The following DCAF8L2 variants were observed in gnomAD, a reference collection of about 807,000 sequenced individuals.
DCAF8L2 encodes DDB1 and CUL4 associated factor 8 like 2, also known as DDB1- and CUL4-associated factor 8-like protein 2.
For missense variants in DCAF8L2, 430 were observed against 490.7 expected, an observed-to-expected ratio of 0.88 and a Z score of 1.17; for synonymous variants, 200 against 190.9, an observed-to-expected ratio of 1.05 and a Z score of -0.39.
At chrX:27,499,519 A>T in the DCAF8L2 span, among the ~76,000 whole-genome samples, 8 of 111,764 alleles carry the variant, frequency 7.2e-5, no homozygotes, top group Non-Finnish European at 1.3e-4. Context: ...ACTACTTGAG[A>T]CTGGGTAATT....
chrX:27,632,963 A>G (rs1316783785), intron 2 of DCAF8L2: 1 of 112,075 alleles, frequency 8.9e-6, no homozygotes, highest in Non-Finnish European at 1.9e-5. Context: ...GTGTCCTAAC[A>G]TACAATAAAC....
the DCAF8L2 span, among the ~76,000 whole-genome samples, chrX:27,482,355 T>G: frequency 3.6e-5 from 4 of 111,616 alleles, no homozygotes; most frequent in Non-Finnish European, 5.7e-5. Context: ...AATTCCAAAC[T>G]TAAGTGCTCA....
chrX:27,747,404 C>A lies in DCAF8L2; in HGVS notation c.509C>A (p.Ala170Glu). 1.7e-6 allele frequency: 2 copies of A among 1,169,395 alleles called. No homozygotes were observed. Among genetic ancestry groups the A allele is most frequent in the Non-Finnish European group, 1.1e-6 (1 of 874,251 alleles). ...HEQYSLEEDQALEEWVSSETS... is the reference protein window; with the variant it reads ...HEQYSLEEDQELEEWVSSETS... ...CAGTATTCGTTAGAGGAGGATCAGG[C>A]GCTGGAGGAGTGGGTTTCCTCAGAG... The change falls in exon 5 of 5, where the codon GCG becomes GAG. Residue 170 changes from alanine to glutamate, a missense_variant. Physicochemically the swap from Ala to Glu is moderately radical, Grantham distance 107. Transcript: ENST00000451261.
chrX:27,497,504 CTTT>C, the DCAF8L2 span, among the ~76,000 whole-genome samples: 2 of 31,261 alleles, frequency 6.4e-5, no homozygotes, highest in African/African-American at 2.2e-4. Flanking sequence ...ATTATTCTTT[CTTT>C]CTTTCCTTCC....
chrX:27,513,068 A>C, the DCAF8L2 span, among the ~76,000 whole-genome samples: 1 of 111,526 alleles, frequency 9.0e-6, no homozygotes, highest in East Asian at 2.8e-4. Flanking sequence ...CTAGACCCCT[A>C]TCTCTCACCA....
At chrX:27,729,145 A>G (rs759608002) in intron 4 of DCAF8L2, among the ~76,000 whole-genome samples, 1 of 111,940 alleles carries the variant, frequency 8.9e-6, no homozygotes, top group South Asian at 3.7e-4. Context: ...AGAGAGAGAG[A>G]GGGAGTACTA....
At position 27,701,785 on chromosome X, in the gene DCAF8L2, T is replaced by A. The variant is rs3905591; in HGVS notation, c.-142-14303T>A. ...AAACTCTCAAATCGGTAACATAAAC[T>A]TCCACATTGAGAAACTAGAAAAATA... On this transcript the variant is annotated intron_variant, in intron 3 of 4. Transcript: ENST00000451261. Among the ~76,000 whole-genome samples, 837 of 108,973 alleles carry A rather than the reference T, an allele frequency of 7.7e-3. 11 individuals are homozygous for A. Among genetic ancestry groups the A allele is most frequent in the African/African-American group, 0.027 (800 of 30,074 alleles). 94.6% of individuals were successfully genotyped at this position (108,973 alleles called of 115,157 possible).
chrX:27,738,420 T>C (rs1035737383), intron 4 of DCAF8L2, among the ~76,000 whole-genome samples: 1 of 111,390 alleles, frequency 9.0e-6, no homozygotes, highest in African/African-American at 3.3e-5. Context: ...GCTGACCCTA[T>C]TATATTTGCC....
At chrX:27,607,430 T>C (rs749812932) in intron 1 of DCAF8L2, among the ~76,000 whole-genome samples, 7 of 111,659 alleles carry the variant, frequency 6.3e-5, no homozygotes, top group African/African-American at 2.3e-4. Context: ...CTCTGAGATT[T>C]GCTCTTACAT....
chrX:27,733,704 T>A (rs780642448), intron 4 of DCAF8L2, among the ~76,000 whole-genome samples: 7 of 111,611 alleles, frequency 6.3e-5, no homozygotes, highest in Non-Finnish European at 9.4e-5. Context: ...TTGATTTTTG[T>A]GTATAGTATA....
chrX:27,539,182 T>C, the DCAF8L2 span, among the ~76,000 whole-genome samples: 3 of 112,076 alleles, frequency 2.7e-5, no homozygotes, highest in South Asian at 1.1e-3. Flanking sequence ...TACCTGTTAT[T>C]TATAGTGATG....
rs1016293342 is a variant in DCAF8L2 at position 27,649,936 on chromosome X, T to C, written c.-220+17936T>C. ...CTTCCAGGATTCTTATAGTTTGAGG[T>C]CTTATATTTAAATCTTTAATCCATC... On this transcript the variant is annotated intron_variant, in intron 2 of 4. Transcript: ENST00000451261. Among the ~76,000 whole-genome samples, 4 of 111,734 alleles carry C rather than the reference T, an allele frequency of 3.6e-5. 1 individual carries two copies. Among genetic ancestry groups the C allele is most frequent in the African/African-American group, 1.3e-4 (4 of 30,730 alleles).
intron 3 of DCAF8L2, among the ~76,000 whole-genome samples, chrX:27,683,852 T>C (rs948946452): frequency 8.9e-6 from 1 of 111,867 alleles, no homozygotes; most frequent in East Asian, 2.8e-4. Flanking sequence ...CTGAGGGGTG[T>C]TCACCTGAGA....
At chrX:27,519,679 C>T in the DCAF8L2 span, 6 of 595,712 alleles carry the variant, frequency 1.0e-5, no homozygotes, top group South Asian at 4.5e-5. Flanking sequence ...CGAGGAAGAA[C>T]GTGTAACAGA....
At chrX:27,496,044 C>G in the DCAF8L2 span, among the ~76,000 whole-genome samples, 1 of 111,113 alleles carries the variant, frequency 9.0e-6, no homozygotes, top group Non-Finnish European at 1.9e-5. Flanking sequence ...ATCCATGAAT[C>G]TGGAATGATA....
At chrX:27,559,546 A>C in the DCAF8L2 span, among the ~76,000 whole-genome samples, 1 of 111,773 alleles carries the variant, frequency 8.9e-6, no homozygotes, top group Admixed American at 9.5e-5. Context: ...CATGTTGAAC[A>C]ATCATTGGCT....
chrX:27,717,264 G>A (rs945743888), intron 4 of DCAF8L2, among the ~76,000 whole-genome samples: 1 of 112,015 alleles, frequency 8.9e-6, no homozygotes, highest in African/African-American at 3.2e-5. Flanking sequence ...TGGGATAGCT[G>A]GGTCAAATTG....
At chrX:27,503,981 T>C in the DCAF8L2 span, among the ~76,000 whole-genome samples, 1 of 112,223 alleles carries the variant, frequency 8.9e-6, no homozygotes, top group Admixed American at 9.5e-5. Flanking sequence ...TTTATTGTAT[T>C]GTACATAAGG....
At chrX:27,488,658 G>T in the DCAF8L2 span, among the ~76,000 whole-genome samples, 2 of 108,445 alleles carry the variant, frequency 1.8e-5, no homozygotes, top group Non-Finnish European at 3.8e-5. Flanking sequence ...TTCAAGATTT[G>T]TTTTGTTTTG....
Sources: gnomAD v4.1 joint callset for allele counts (sites outside exome capture counted in the v4.1 genomes callset) on GRCh38, gnomAD v4.1.1 for gene constraint, MANE v1.5 for transcripts, NCBI Gene and HGNC (gene_info 2026-07-23, HGNC 2026-07-21) for gene names.